Variants in BSCL2 observed in about 807,000 individuals in gnomAD.
The protein encoded by BSCL2 is seipin.
A neutral mutation model predicts 57.4 loss-of-function variants in BSCL2; 41 were observed. That is an observed-to-expected ratio of 0.71 (90% CI 0.56 to 0.93). The LOEUF is 0.93. BSCL2 is among the 40% of genes least tolerant of loss of function. The probability of loss-of-function intolerance (pLI) is 0.00; values close to 1 mark genes in which losing one functional copy is unlikely to be tolerated. For synonymous variants in BSCL2, 237 were observed against 227.3 expected, an observed-to-expected ratio of 1.04 and a Z score of -0.38; for missense variants, 539 against 586.7, an observed-to-expected ratio of 0.92 and a Z score of 0.84.
chr11:62,706,386 C>CGGCGGGGCGG (rs929263061), intron 1 of BSCL2: 65 of 922,464 alleles, frequency 7.0e-5, no homozygotes, highest in Middle Eastern at 4.9e-4. Context: ...GGGTCCAGCA[C>CGGCGGGGCGG]GGCGGGGCGG....
chr11:62,705,625 G>A lies in BSCL2; in HGVS notation c.88-8C>T, dbSNP rs2083516979. The A allele has an allele frequency of 2.7e-6, 4 of 1,508,088 alleles. No homozygotes were observed. Among genetic ancestry groups the A allele is most frequent in the Non-Finnish European group, 3.6e-6 (4 of 1,122,872 alleles). The allele number at this position is 1,508,088 out of a possible 1,614,324, so 93.4% of individuals were successfully genotyped here. On this transcript the variant is annotated splice_region_variant and splice_polypyrimidine_tract_variant and intron_variant, in intron 1 of 10. Transcript: ENST00000360796. The stretch of plus-strand genomic sequence containing the variant: ...TGCAGCAGCTGGTGGTTCCTGGAAA[G>A]AGAGGGTGAGGGAAAAGAGTGACTC...
chr11:62,692,340 A>G (rs1302087542), intron 6 of BSCL2, 36 bp downstream of exon 6: 2 of 1,602,330 alleles, frequency 1.2e-6, no homozygotes, highest in African/African-American at 2.7e-5. Context: ...GCCCCCGTGA[A>G]GAGTTGCCCA....
chr11:62,706,177 G>T, intron 1 of BSCL2: 2 of 1,036,978 alleles, frequency 1.9e-6, no homozygotes, highest in Non-Finnish European at 2.3e-6. Flanking sequence ...CAGCTCGGGG[G>T]TGGGCAAAGC....
chr11:62,696,075 G>A (rs569021608), intron 3 of BSCL2, among the ~76,000 whole-genome samples: 2 of 152,296 alleles, frequency 1.3e-5, no homozygotes, highest in South Asian at 4.1e-4. Flanking sequence ...CGGAGGCTGA[G>A]GCAGAGAGCT....
At position 62,707,042 on chromosome 11, in the gene BSCL2, GCCC is replaced by G. The variant is rs55710428; in HGVS notation, c.87+64_87+66del. ...ATTCTTAAAACCAATCCATCCCCCC[GCCC>G]CCTTCACGCCAGCCCACCTATTTCC... On this transcript the variant is annotated intron_variant, in intron 1 of 10. Transcript: ENST00000360796. 145,300 of 1,343,588 alleles carry G rather than the reference GCCC, an allele frequency of 0.11. 8,840 individuals carry two copies. The highest frequency in any genetic ancestry group is 0.13 in the Non-Finnish European group (121,794 of 960,586). 83.2% of individuals were successfully genotyped at this position (1,343,588 alleles called of 1,614,324 possible).
intron 3 of BSCL2, among the ~76,000 whole-genome samples, chr11:62,696,943 C>A (rs1447058424): frequency 6.6e-6 from 1 of 151,726 alleles, no homozygotes; most frequent in Non-Finnish European, 1.5e-5. Flanking sequence ...GAGACTGAGG[C>A]AGGAGGATCC....
At chr11:62,693,160 A>G (rs1769939218) in intron 4 of BSCL2, among the ~76,000 whole-genome samples, 1 of 152,238 alleles carries the variant, frequency 6.6e-6, no homozygotes, top group Middle Eastern at 3.4e-3. Flanking sequence ...GACATCAGGA[A>G]TTTGCTTCAT....
intron 1 of BSCL2, chr11:62,706,798 G>T (rs76917941): frequency 0.013 from 7,643 of 572,714 alleles, 426 homozygotes; most frequent in African/African-American, 0.13. Context: ...TTAGTGCCCT[G>T]TTCCCAGCGT....
At chr11:62,701,788 C>T (rs552773941) in intron 3 of BSCL2, among the ~76,000 whole-genome samples, 417 of 147,072 alleles carry the variant, frequency 2.8e-3, no homozygotes, top group African/African-American at 0.01. Flanking sequence ...GCTGAGATCG[C>T]GCCACTGCAA....
In BSCL2 at chr11:62,691,125, CTT is replaced by C; in HGVS notation, c.1020_1021del (p.Asp342GlnfsTer18). The C allele has an allele frequency of 6.2e-7, 1 of 1,614,248 alleles. No individual in the cohort carries two copies. The highest frequency in any genetic ancestry group is 1.3e-5 in the African/African-American group (1 of 75,064). On this transcript the variant is annotated frameshift_variant, in exon 8 of 11. Transcript: ENST00000360796. LOFTEE classifies it high-confidence loss of function. ...TTGGACTTCCTTCCGGGAATTGTCT[CTT>C]TTTCGGATGTTAACCTGTGGAGGAA...
At chr11:62,692,639 A>G (rs748711286) in intron 5 of BSCL2, 24 bp downstream of exon 5, 5 of 1,613,872 alleles carry the variant, frequency 3.1e-6, no homozygotes, top group Admixed American at 3.3e-5. Flanking sequence ...TCTCCTAGTC[A>G]TAAAGCTCGT....
At chr11:62,708,575 G>C (rs1309549875), upstream of BSCL2, 2 of 1,513,488 alleles carry the variant, frequency 1.3e-6, no homozygotes, top group Non-Finnish European at 1.8e-6. Context: ...AAGACAAGTC[G>C]TAAGGAGCCC....
chr11:62,702,264 C>A (rs1211568745), intron 3 of BSCL2, among the ~76,000 whole-genome samples: 2 of 152,138 alleles, frequency 1.3e-5, no homozygotes, highest in Non-Finnish European at 2.9e-5. Flanking sequence ...CGGGGTTTCT[C>A]CGCGTTGGTC....
Position 62,691,070 on chromosome 11 carries a change from T to C in BSCL2, c.1072+5A>G. ...CCTCAACAGCTCCCCAGCCAACACCTTTACCTGGCTGATGAGCAGAGATCC... is the reference window on the plus strand; with the variant it reads ...CCTCAACAGCTCCCCAGCCAACACCCTTACCTGGCTGATGAGCAGAGATCC... On this transcript the variant is annotated splice_donor_5th_base_variant and intron_variant, in intron 8 of 10. Coordinates refer to ENST00000360796, the MANE Select transcript of BSCL2 (RefSeq NM_001122955.4). The C allele has an allele frequency of 6.2e-7, 1 of 1,614,156 alleles. No individual in the cohort carries two copies. The highest frequency in any genetic ancestry group is 8.5e-7 in the Non-Finnish European group (1 of 1,179,994).
rs566098807 is a variant in BSCL2 at position 62,705,075 on chromosome 11, C to CTT, written c.404+224_404+225dup. Among the ~76,000 whole-genome samples, 45 of 133,012 alleles carry CTT rather than the reference C, an allele frequency of 3.4e-4. No individual in the cohort carries two copies. In the East Asian group the frequency reaches 3.7e-3, roughly 11 times the overall value. 87.3% of individuals were successfully genotyped at this position (133,012 alleles called of 152,430 possible). ...ATAATGATAGAAGTGGATATTTTTC[C>CTT]TTTTTTTTTTTTTTTTTTTAACCAG... On this transcript the variant is annotated intron_variant, in intron 2 of 10. Coordinates refer to ENST00000360796, the MANE Select transcript of BSCL2 (RefSeq NM_001122955.4).
chr11:62,692,353 G>A, intron 6 of BSCL2, 23 bp downstream of exon 6: 1 of 1,612,652 alleles, frequency 6.2e-7, no homozygotes, highest in Non-Finnish European at 8.5e-7. Flanking sequence ...GTTGCCCAAG[G>A]TTCACTCCAG....
Position 62,692,807 on chromosome 11 carries a change from G to T in BSCL2, c.631-10C>A. ...GGTAATGCAGCATCACCTGCCGGGG[G>T]TGGGAAGCAGAGGCTGGGGACAGGT... On this transcript the variant is annotated splice_polypyrimidine_tract_variant and intron_variant, in intron 4 of 10. Transcript: ENST00000360796. 8.1e-6 allele frequency: 13 copies of T among 1,612,756 alleles called. No individual in the cohort carries two copies. The highest frequency in any genetic ancestry group is 1.1e-5 in the Non-Finnish European group (13 of 1,179,966).
rs1443555999 is a variant in BSCL2, at chr11:62,691,357, G to A, written c.928C>T (p.Leu310Phe). 2 of 1,614,192 alleles carry A rather than the reference G, an allele frequency of 1.2e-6. No individual in the cohort carries two copies. Among genetic ancestry groups the A allele is most frequent in the Non-Finnish European group, 1.7e-6 (2 of 1,180,034 alleles). The stretch of plus-strand genomic sequence containing the variant: ...TAGCTGAAGAGCACGATGACGCTGA[G>A]GAAGGTGAAGTTGCTGGCAACACCT... Reference protein sequence around the residue: ...FIGVASNFTFLSVIVLFSYMQ... With the variant: ...FIGVASNFTFFSVIVLFSYMQ... Residue 310 changes from leucine (L) to phenylalanine (F), a missense_variant, in exon 7 of 11, where the codon CTC (leucine) becomes TTC (phenylalanine). Transcript: ENST00000360796.
At chr11:62,695,381 T>G (rs1945426625) in intron 3 of BSCL2, among the ~76,000 whole-genome samples, 1 of 151,724 alleles carries the variant, frequency 6.6e-6, no homozygotes, top group African/African-American at 2.4e-5. Flanking sequence ...GGGTAAAGCT[T>G]CTGTTTTTAA....
Sources: allele counts gnomAD v4.1 joint callset (sites outside exome capture counted in the v4.1 genomes callset), GRCh38; gene constraint gnomAD v4.1.1; transcripts MANE v1.5; gene names NCBI Gene and HGNC (gene_info 2026-07-23, HGNC 2026-07-21).